KDM7A: variants seen among roughly 807,000 people sequenced by gnomAD.
The protein encoded by KDM7A is lysine-specific demethylase 7A.
In KDM7A, 28 loss-of-function variants were observed where a neutral mutation model predicts 114.8. The observed-to-expected ratio is 0.24, with a 90% CI of 0.18 to 0.33. The LOEUF (loss-of-function observed/expected upper bound fraction) is 0.33. Among genes scored for constraint, KDM7A ranks in the 10% least tolerant of loss-of-function variants. The pLI, the probability that KDM7A is intolerant of heterozygous loss-of-function variation, is 1.00. For missense variants in KDM7A, 942 were observed against 1,142.5 expected, an observed-to-expected ratio of 0.82 and a Z score of 2.53; for synonymous variants, 423 against 397.8, an observed-to-expected ratio of 1.06 and a Z score of -0.75.
intron 2 of KDM7A, among the ~76,000 whole-genome samples, chr7:140,137,791 G>A (rs1040223756): frequency 3.3e-5 from 5 of 152,082 alleles, no homozygotes; most frequent in Non-Finnish European, 7.4e-5. Flanking sequence ...CAAAACAAAT[G>A]AGCAGTCAGT....
At chr7:140,128,315 T>G (rs1285103258) in intron 4 of KDM7A, among the ~76,000 whole-genome samples, 3 of 152,212 alleles carry the variant, frequency 2.0e-5, no homozygotes, top group African/African-American at 7.2e-5. Flanking sequence ...ATTCAAAATA[T>G]GGCAATACTT....
intron 1 of KDM7A, among the ~76,000 whole-genome samples, chr7:140,160,527 G>C (rs1320604920): frequency 6.6e-6 from 1 of 152,182 alleles, no homozygotes. Context: ...ATTTACAATG[G>C]TTCCATTTAG....
intron 11 of KDM7A, among the ~76,000 whole-genome samples, chr7:140,109,707 T>C (rs747933525): frequency 3.3e-5 from 5 of 152,228 alleles, no homozygotes; most frequent in Non-Finnish European, 7.3e-5. Flanking sequence ...ATTCCTATCA[T>C]GCAAGATGAA....
In KDM7A at chr7:140,100,037, T is replaced by C. The variant is rs1818176302; in HGVS notation, c.1639-14A>G. 1 of 1,613,838 alleles carries C rather than the reference T, an allele frequency of 6.2e-7. No homozygotes were observed. On this transcript the variant is annotated splice_polypyrimidine_tract_variant and intron_variant, in intron 12 of 19. Transcript: ENST00000397560. ...GCTCAAGATGTCCTGAAGGTATAAA[T>C]GCAGAACTTACTTACCATCCACCCT...
intron 3 of KDM7A, among the ~76,000 whole-genome samples, chr7:140,131,099 G>A (rs753077697): frequency 6.6e-6 from 1 of 151,796 alleles, no homozygotes; most frequent in Admixed American, 6.6e-5. Context: ...GATCTCCCGA[G>A]CTCATGATCC....
intron 12 of KDM7A, among the ~76,000 whole-genome samples, chr7:140,100,709 CACAT>C (rs1489598289): frequency 3.8e-4 from 12 of 31,814 alleles, no homozygotes; most frequent in South Asian, 1.2e-3. Context: ...TATATATATA[CACAT>C]ATATATATAT....
chr7:140,120,162 AAAG>A (rs571304041), intron 8 of KDM7A, among the ~76,000 whole-genome samples: 3 of 152,240 alleles, frequency 2.0e-5, no homozygotes, highest in Non-Finnish European at 2.9e-5. Context: ...AAAAATAGCC[AAAG>A]AAGAACACAT....
chr7:140,135,415 A>G (rs538227137), intron 2 of KDM7A, among the ~76,000 whole-genome samples: 1 of 151,908 alleles, frequency 6.6e-6, no homozygotes, highest in East Asian at 1.9e-4. Flanking sequence ...GTTGGCCAGG[A>G]TGGTCTCGAT....
At chr7:140,153,323 G>A (rs41379) in intron 1 of KDM7A, among the ~76,000 whole-genome samples, 1 of 151,440 alleles carries the variant, frequency 6.6e-6, no homozygotes, top group Non-Finnish European at 1.5e-5. Flanking sequence ...CGTCTCTACT[G>A]AAAATACAAA....
chr7:140,123,946 T>G (rs879539949), intron 7 of KDM7A, among the ~76,000 whole-genome samples: 3 of 151,836 alleles, frequency 2.0e-5, no homozygotes, highest in Non-Finnish European at 2.9e-5. Context: ...GGCGGGCGCC[T>G]GTAGTCCCAG....
rs111908975 is a variant in KDM7A, at chr7:140,147,719, T to C, written c.195-8529A>G. 2.6e-5 allele frequency among the ~76,000 whole-genome samples: 4 copies of C among 152,300 alleles called. 1 individual carries two copies. Among genetic ancestry groups the C allele is most frequent in the African/African-American group, 9.6e-5 (4 of 41,558 alleles). On this transcript the variant is annotated intron_variant, in intron 1 of 19. Transcript: ENST00000397560. ...GACAGCTTGCTCTGCATGTTTCCTT[T>C]CCTATCTTGATTCTGGGGTCAGTTT...
chr7:140,126,725 T>C lies in KDM7A; in HGVS notation c.800A>G (p.Gln267Arg). The change falls in exon 6 of 20, where the codon CAG (glutamine) becomes CGG (arginine). Residue 267 changes from glutamine (Q) to arginine (R), a missense_variant. Physicochemically the swap from Gln to Arg is conservative, Grantham distance 43 (BLOSUM62 1). Transcript: ENST00000397560. ...TTGAACTCCCATTAAGCAATATTTC[T>C]GAACAAATGGCTTGGGAAAGACTGA... ...DDSVFPKPFV[Q>R]KYCLMGVQDS... 2 of 1,613,990 alleles carry C rather than the reference T, an allele frequency of 1.2e-6. No homozygotes were observed. The highest frequency in any genetic ancestry group is 2.2e-5 in the South Asian group (2 of 91,070).
At chr7:140,165,429 T>C (rs115422019) in intron 1 of KDM7A, among the ~76,000 whole-genome samples, 1 of 152,238 alleles carries the variant, frequency 6.6e-6, no homozygotes, top group African/African-American at 2.4e-5. Context: ...AATGATAAGC[T>C]ACACTTAAAA....
rs1454383314 is a variant in KDM7A, at chr7:140,118,008, C to T, written c.1246+1105G>A. Among the ~76,000 whole-genome samples the T allele has an allele frequency of 2.0e-5, 3 of 152,212 alleles. No individual in the cohort carries two copies. The East Asian group carries it at 5.8e-4, about 29-fold the overall frequency. ...TGAGTTTTATCATTTTAGTTCTGTA[C>T]ATCCTATCTTGGGAAGTAAATTTTT... On this transcript the variant is annotated intron_variant, in intron 9 of 19. Coordinates refer to ENST00000397560, the MANE Select transcript of KDM7A (RefSeq NM_030647.2).
At position 140,088,010 on chromosome 7, in the gene KDM7A, A is replaced by G. The variant is rs912533741; in HGVS notation, c.*3084T>C. 6.6e-6 allele frequency: 1 copy of G among 152,220 alleles called. No individual in the cohort carries two copies. The highest frequency in any genetic ancestry group is 1.5e-5 in the Non-Finnish European group (1 of 68,092). The allele number at this position is 152,220 out of a possible 1,614,324, so 9.4% of individuals were successfully genotyped here. A position where few individuals can be genotyped will look rare whatever the true frequency, so the allele number is the denominator to read the frequency against. On this transcript the variant is annotated 3_prime_UTR_variant, in exon 20 of 20. Transcript: ENST00000397560. The stretch of plus-strand genomic sequence containing the variant: ...GTGCTGGGCACACAGTAGATGTTTG[A>G]TAAATACCTGTTGATCCCATATAAA...
intron 2 of KDM7A, among the ~76,000 whole-genome samples, chr7:140,136,053 G>A (rs926353253): frequency 6.6e-6 from 1 of 151,912 alleles, no homozygotes; most frequent in South Asian, 2.1e-4. Context: ...TCAAGCTCCT[G>A]GGCTCAAGCA....
intron 1 of KDM7A, among the ~76,000 whole-genome samples, chr7:140,175,728 G>C (rs570778131): frequency 4.5e-4 from 69 of 152,204 alleles, no homozygotes; most frequent in Non-Finnish European, 6.6e-4. Context: ...GTCAAACCCG[G>C]AGCGCGGCGG....
At chr7:140,171,857 T>C (rs1350384138) in intron 1 of KDM7A, among the ~76,000 whole-genome samples, 2 of 152,162 alleles carry the variant, frequency 1.3e-5, no homozygotes, top group East Asian at 3.9e-4. Context: ...ATCCATAGTG[T>C]ATTCTTTTTT....
intron 11 of KDM7A, among the ~76,000 whole-genome samples, chr7:140,109,864 T>A (rs1259478364): frequency 6.6e-6 from 1 of 152,196 alleles, no homozygotes; most frequent in Non-Finnish European, 1.5e-5. Context: ...ACTAACTGAT[T>A]CCCAAATTAT....
Sources: allele counts gnomAD v4.1 joint callset (sites outside exome capture counted in the v4.1 genomes callset), GRCh38; gene constraint gnomAD v4.1.1; transcripts MANE v1.5; gene names NCBI Gene and HGNC (gene_info 2026-07-23, HGNC 2026-07-21).